Variants in CPSF3 observed in about 807,000 individuals in gnomAD.
The protein encoded by CPSF3 is cleavage and polyadenylation specific factor 3, also known as cleavage and polyadenylation specificity factor subunit 3.
A neutral mutation model predicts 84.1 loss-of-function variants in CPSF3; 57 were observed. The observed-to-expected ratio is 0.68, with a 90% CI of 0.55 to 0.85. The LOEUF (loss-of-function observed/expected upper bound fraction) is 0.85. Ranked by LOEUF, CPSF3 falls within the 40% of genes least tolerant of loss-of-function variation. CPSF3 has a pLI of 0.00. For missense variants in CPSF3, 522 were observed against 838.8 expected (o/e 0.62, Z 4.66); for synonymous variants, 275 against 278.1 (o/e 0.99, Z 0.11).
rs1480628712 is a variant in CPSF3 at position 9,423,821 on chromosome 2, C to T, written c.48C>T (p.Pro16=). The T allele has an allele frequency of 1.2e-6, 2 of 1,612,894 alleles. No individual in the cohort carries two copies. Among genetic ancestry groups the T allele is most frequent in the Non-Finnish European group, 1.7e-6 (2 of 1,179,566 alleles). Residue 16 remains proline, a splice_region_variant and synonymous_variant, in exon 1 of 18, where the codon CCC becomes CCT. Coordinates refer to ENST00000238112, the MANE Select transcript of CPSF3 (RefSeq NM_016207.4). The stretch of plus-strand genomic sequence containing the variant: ...AGAGCGACCAGCTGCTGATCCGACC[C>T]CTGTAAGGGACCAGCGAGAGAGGGA... ...AEESDQLLIR[P]LGAGQEVGRS... is the part of the protein sequence containing the mutation.
intron 12 of CPSF3, 52 bp from the exon 13 acceptor site, chr2:9,455,607 T>C: frequency 1.6e-6 from 2 of 1,223,376 alleles, no homozygotes; most frequent in South Asian, 1.3e-5. Context: ...GCTCCTGGTA[T>C]GTGTTTTGTA....
chr2:9,465,360 C>T (rs1387160424), intron 15 of CPSF3, among the ~76,000 whole-genome samples: 1 of 152,092 alleles, frequency 6.6e-6, no homozygotes, highest in Non-Finnish European at 1.5e-5. Flanking sequence ...GAGAGGATCA[C>T]TTGAGCCCAG....
chr2:9,449,186 C>T (rs1232207986), intron 11 of CPSF3, among the ~76,000 whole-genome samples: 4 of 151,780 alleles, frequency 2.6e-5, no homozygotes, highest in Non-Finnish European at 4.4e-5. Context: ...GGAGACCAAC[C>T]TGGCCAACAT....
chr2:9,466,358 ACAC>A (rs1681967464), intron 15 of CPSF3, among the ~76,000 whole-genome samples: 1 of 142,386 alleles, frequency 7.0e-6, no homozygotes, highest in African/African-American at 2.8e-5. Flanking sequence ...GCGCGCACAC[ACAC>A]ACGCACACAC....
At chr2:9,433,849 T>C in intron 5 of CPSF3, 22 bp from the exon 6 acceptor site, 9 of 1,539,354 alleles carry the variant, frequency 5.8e-6, no homozygotes, top group Non-Finnish European at 8.0e-6. Context: ...ATCCTAACTT[T>C]CTAGTTTTAT....
At chr2:9,466,286 GCA>G (rs56191960) in intron 15 of CPSF3, among the ~76,000 whole-genome samples, 10 of 116,572 alleles carry the variant, frequency 8.6e-5, no homozygotes, top group East Asian at 4.2e-4. Context: ...ACACACGTGC[GCA>G]CACAGACGCA....
At chr2:9,459,165 C>T (rs1487877493) in intron 14 of CPSF3, among the ~76,000 whole-genome samples, 3 of 151,834 alleles carry the variant, frequency 2.0e-5, no homozygotes, top group Non-Finnish European at 2.9e-5. Flanking sequence ...ATATACTATA[C>T]TAAATATAAG....
chr2:9,436,577 G>A (rs1044305234), intron 7 of CPSF3, among the ~76,000 whole-genome samples: 14 of 151,914 alleles, frequency 9.2e-5, no homozygotes, highest in African/African-American at 3.4e-4. Context: ...TTCAAGACCA[G>A]CCTGACCAAG....
intron 9 of CPSF3, among the ~76,000 whole-genome samples, chr2:9,442,680 G>A (rs988095155): frequency 4.0e-5 from 6 of 151,782 alleles, no homozygotes; most frequent in East Asian, 1.9e-4. Flanking sequence ...GCGAAACCCC[G>A]TCTCTACTAA....
chr2:9,425,153 T>C (rs933713323), intron 1 of CPSF3, among the ~76,000 whole-genome samples: 21 of 152,300 alleles, frequency 1.4e-4, no homozygotes, highest in African/African-American at 4.8e-4. Flanking sequence ...CAGGATGTTC[T>C]AGGCAGTGGA....
At position 9,427,808 on chromosome 2, in the gene CPSF3, A is replaced by T. The variant is rs376863244; in HGVS notation, c.51-957A>T. Among the ~76,000 whole-genome samples the T allele has an allele frequency of 6.8e-4, 103 of 152,234 alleles. 1 individual carries two copies. The highest frequency in any genetic ancestry group is 2.3e-3 in the African/African-American group (95 of 41,524). ...GAATGGTTGGGAAAAGGCATCAAAG[A>T]AGGTGAGGGATTTGAAAGATGAGGT... On this transcript the variant is annotated intron_variant, in intron 1 of 17. Coordinates refer to ENST00000238112, the MANE Select transcript of CPSF3 (RefSeq NM_016207.4).
intron 15 of CPSF3, among the ~76,000 whole-genome samples, chr2:9,460,637 T>C (rs1176086460): frequency 1.3e-5 from 2 of 152,058 alleles, no homozygotes; most frequent in African/African-American, 2.4e-5. Context: ...TATTTTATAC[T>C]TAAGTCAGCA....
chr2:9,456,178 A>G (rs1425263060), intron 13 of CPSF3, among the ~76,000 whole-genome samples: 2 of 151,568 alleles, frequency 1.3e-5, no homozygotes, highest in Non-Finnish European at 2.9e-5. Flanking sequence ...AGCAGGTTTT[A>G]TAAGAGTTCA....
intron 4 of CPSF3, 67 bp from the exon 5 acceptor site, chr2:9,432,444 T>C (rs1680624140): frequency 1.8e-6 from 2 of 1,120,596 alleles, no homozygotes; most frequent in Non-Finnish European, 2.4e-6. Context: ...CACAATTTCT[T>C]TGTGTTCAAA....
chr2:9,457,041 AT>A lies in CPSF3; in HGVS notation c.1698+17del, dbSNP rs756508664. 1 of 1,463,234 alleles carries A rather than the reference AT, an allele frequency of 6.8e-7. No homozygotes were observed. The highest frequency in any genetic ancestry group is 2.3e-5 in the East Asian group (1 of 43,988). 90.6% of individuals were successfully genotyped at this position (1,463,234 alleles called of 1,614,324 possible). A position where few individuals can be genotyped will look rare whatever the true frequency, so the allele number is the denominator to read the frequency against. ...GTGGTATTAGAAGTAAGAAAAGATC[AT>A]TTACCTAAACAATGAGGGGAAAAAA... On this transcript the variant is annotated intron_variant, in intron 14 of 17. Transcript: ENST00000238112.
intron 6 of CPSF3, among the ~76,000 whole-genome samples, chr2:9,435,780 T>C (rs1176438488): frequency 1.3e-5 from 2 of 149,130 alleles, no homozygotes; most frequent in Non-Finnish European, 3.0e-5. Context: ...TCGCCCAGGC[T>C]GGAGTGCAAT....
At chr2:9,434,116 C>T (rs1680692119) in intron 6 of CPSF3, among the ~76,000 whole-genome samples, 156 bp downstream of exon 6, 1 of 151,968 alleles carries the variant, frequency 6.6e-6, no homozygotes, top group Non-Finnish European at 1.5e-5. Flanking sequence ...CACGGTGGCT[C>T]ACACCTGTAA....
At chr2:9,467,658 T>G (rs1333464867) in intron 15 of CPSF3, 49 bp from the exon 16 acceptor site, 12 of 1,365,450 alleles carry the variant, frequency 8.8e-6, no homozygotes, top group Non-Finnish European at 1.2e-5. Context: ...GAAATTATTC[T>G]GAATAGGAAT....
intron 14 of CPSF3, among the ~76,000 whole-genome samples, 162 bp from the exon 15 acceptor site, chr2:9,459,369 G>A (rs539218905): frequency 2.0e-4 from 30 of 152,254 alleles, no homozygotes; most frequent in African/African-American, 7.0e-4. Flanking sequence ...GAGGACTATA[G>A]TATTATTAAT....
Sources: gnomAD v4.1 joint callset for allele counts (sites outside exome capture counted in the v4.1 genomes callset) on GRCh38, gnomAD v4.1.1 for gene constraint, MANE v1.5 for transcripts, NCBI Gene and HGNC (gene_info 2026-07-23, HGNC 2026-07-21) for gene names.